RYR2: variants seen among roughly 807,000 people sequenced by gnomAD.
RYR2 encodes ryanodine receptor 2, also known as cardiac muscle ryanodine receptor-calcium release channel.
A neutral mutation model predicts 601.1 loss-of-function variants in RYR2; 227 were observed. The ratio of observed to expected loss-of-function variants is 0.38; its 90% CI spans 0.34 to 0.42. The LOEUF (loss-of-function observed/expected upper bound fraction) is 0.42. Among genes scored for constraint, RYR2 ranks in the 10% least tolerant of loss-of-function variants. The pLI is 1.00. For synonymous variants in RYR2, 2,223 were observed against 2,175.1 expected (o/e 1.02, Z -0.61); for missense variants, 4,646 against 6,156.5 (o/e 0.75, Z 8.21).
At chr1:237,094,715 C>T (rs1417724336) in intron 1 of RYR2, among the ~76,000 whole-genome samples, 1 of 152,176 alleles carries the variant, frequency 6.6e-6, no homozygotes, top group African/African-American at 2.4e-5. Context: ...CCTTAGCCTT[C>T]CGAGTAGCTG....
chr1:237,651,796 G>A (rs1329247623), intron 51 of RYR2, among the ~76,000 whole-genome samples: 3 of 152,182 alleles, frequency 2.0e-5, no homozygotes, highest in East Asian at 3.9e-4. Context: ...CCAGCACTTT[G>A]GGAGGCCAAG....
intron 16 of RYR2, among the ~76,000 whole-genome samples, chr1:237,465,110 A>ACACACACG (rs940649842): frequency 7.0e-6 from 1 of 142,638 alleles, no homozygotes; most frequent in African/African-American, 2.5e-5. Context: ...ACACACACAC[A>ACACACACG]CACGCATGCA....
At position 237,657,809 on chromosome 1, in the gene RYR2, T is replaced by A. The variant is rs607785; in HGVS notation, c.8130-135T>A. 0.21 allele frequency: 108,368 copies of A among 517,390 alleles called. 12,973 individuals carry two copies. The highest frequency in any genetic ancestry group is 0.4 in the East Asian group (10,813 of 27,130). 32.0% of individuals were successfully genotyped at this position (517,390 alleles called of 1,614,324 possible). On this transcript the variant is annotated intron_variant, in intron 53 of 104. Coordinates refer to ENST00000366574, the MANE Select transcript of RYR2 (RefSeq NM_001035.3). Reference sequence around the variant, plus strand: ...TGTTGTGAAAATAGAAAAATGTAATTCTAAAAAAAGAAGTCGTGTTTAACA... The same window carrying A: ...TGTTGTGAAAATAGAAAAATGTAATACTAAAAAAAGAAGTCGTGTTTAACA...
At chr1:237,780,526 A>AGTT (rs1299862734) in intron 88 of RYR2, among the ~76,000 whole-genome samples, 2 of 152,240 alleles carry the variant, frequency 1.3e-5, no homozygotes, top group Non-Finnish European at 2.9e-5. Context: ...TTTAAAGAAT[A>AGTT]GTTTAAAAAA....
At chr1:237,048,252 C>T (rs1178878329) in intron 1 of RYR2, among the ~76,000 whole-genome samples, 1 of 152,210 alleles carries the variant, frequency 6.6e-6, no homozygotes, top group Non-Finnish European at 1.5e-5. Context: ...AACAACAGTG[C>T]CTGGCTCATG....
chr1:237,634,780 A>T (rs903102027), intron 43 of RYR2, 109 bp from the exon 44 acceptor site: 1 of 760,186 alleles, frequency 1.3e-6, no homozygotes, highest in Non-Finnish European at 2.2e-6. Flanking sequence ...AGATTAATAC[A>T]CTATGGATGG....
At chr1:237,495,007 T>C (rs1294711212) in intron 19 of RYR2, among the ~76,000 whole-genome samples, 1 of 152,258 alleles carries the variant, frequency 6.6e-6, no homozygotes, top group East Asian at 1.9e-4. Context: ...GCCAGCCTGG[T>C]CTCGAACTCC....
At chr1:237,325,484 C>G (rs754112672) in intron 2 of RYR2, among the ~76,000 whole-genome samples, 5 of 151,862 alleles carry the variant, frequency 3.3e-5, no homozygotes, top group African/African-American at 9.7e-5. Context: ...GTCAGGAGAT[C>G]GAGACCATCC....
chr1:237,056,990 G>T (rs1457445852), intron 1 of RYR2, among the ~76,000 whole-genome samples: 1 of 152,146 alleles, frequency 6.6e-6, no homozygotes, highest in Non-Finnish European at 1.5e-5. Context: ...TCTGTGATAC[G>T]TTATTATGGC....
intron 96 of RYR2, among the ~76,000 whole-genome samples, chr1:237,795,665 G>T (rs530737341): frequency 4.8e-4 from 73 of 151,762 alleles, no homozygotes; most frequent in Non-Finnish European, 8.7e-4. Flanking sequence ...TGGCCTGGCT[G>T]GTCTCTGACT....
In RYR2 at chr1:237,709,052, C is replaced by G. The variant is rs377712921; in HGVS notation, c.10096C>G (p.Leu3366Val). ...LDEFTTLARDLYAFYPLLIRF... is the reference protein window; with the variant it reads ...LDEFTTLARDVYAFYPLLIRF... ...TGAGTTCACCACACTGGCCAGAGAT[C>G]TCTATGCCTTCTACCCTCTCTTGAT... Residue 3366 changes from leucine (L) to valine (V), a missense_variant, in exon 69 of 105, where the codon CTC becomes GTC. Around this residue, in one of 17 missense-constraint regions of RYR2, gnomAD observed 1,497 missense variants for 1,842.6 expected, o/e 0.81. Transcript: ENST00000366574. 1 of 1,607,882 alleles carries G rather than the reference C, an allele frequency of 6.2e-7. No homozygotes were observed. Among genetic ancestry groups the G allele is most frequent in the Non-Finnish European group, 8.5e-7 (1 of 1,175,544 alleles).
intron 80 of RYR2, among the ~76,000 whole-genome samples, chr1:237,754,241 C>T (rs1297767699): frequency 2.6e-5 from 4 of 151,070 alleles, no homozygotes; most frequent in Non-Finnish European, 5.9e-5. Context: ...AAATGAGTGA[C>T]CTGTCCAGGG....
chr1:237,367,187 G>T (rs559781634), intron 5 of RYR2, among the ~76,000 whole-genome samples: 1 of 152,040 alleles, frequency 6.6e-6, no homozygotes, highest in Non-Finnish European at 1.5e-5. Context: ...TCTGCCTCCC[G>T]GGTTCAAGCC....
intron 17 of RYR2, among the ~76,000 whole-genome samples, chr1:237,474,417 T>C (rs1201007210): frequency 2.6e-5 from 4 of 151,856 alleles, no homozygotes; most frequent in Non-Finnish European, 4.4e-5. Flanking sequence ...TCCCACTCAA[T>C]GTTCTATATA....
At chr1:237,272,510 T>C (rs1056995483) in intron 2 of RYR2, among the ~76,000 whole-genome samples, 2 of 150,906 alleles carry the variant, frequency 1.3e-5, no homozygotes, top group Admixed American at 6.6e-5. Flanking sequence ...GATGTGCTTG[T>C]GTTGCCTGTA....
intron 50 of RYR2, among the ~76,000 whole-genome samples, chr1:237,650,629 A>G (rs984005714): frequency 3.3e-5 from 5 of 152,168 alleles, no homozygotes; most frequent in Non-Finnish European, 7.4e-5. Context: ...CCAGAAACGT[A>G]TCTCCCCCTG....
At chr1:237,618,755 C>T (rs1428731383) in intron 38 of RYR2, among the ~76,000 whole-genome samples, 1 of 152,190 alleles carries the variant, frequency 6.6e-6, no homozygotes, top group African/African-American at 2.4e-5. Context: ...GACTTCCACT[C>T]TCACCAGGCT....
intron 1 of RYR2, among the ~76,000 whole-genome samples, chr1:237,074,406 G>A (rs957060082): frequency 2.6e-5 from 4 of 152,222 alleles, no homozygotes; most frequent in African/African-American, 9.7e-5. Context: ...GTGAGATGGG[G>A]AAGAAAAGGA....
chr1:237,426,853 G>A (rs1706210702), intron 12 of RYR2, among the ~76,000 whole-genome samples: 1 of 151,972 alleles, frequency 6.6e-6, no homozygotes. Flanking sequence ...ATTCCAGCCT[G>A]GGCAACACAG....
Sources: gnomAD v4.1 joint callset for allele counts (sites outside exome capture counted in the v4.1 genomes callset) on GRCh38, gnomAD v4.1.1 for gene constraint, gnomAD v4.1.1 regional missense constraint, MANE v1.5 for transcripts, NCBI Gene and HGNC (gene_info 2026-07-23, HGNC 2026-07-21) for gene names.